Variants in BRINP3 observed in about 807,000 individuals in gnomAD.
The protein encoded by BRINP3 is BMP/retinoic acid-inducible neural-specific protein 3.
Under a neutral mutation model 71.0 loss-of-function variants are expected in BRINP3, and 19 were observed. The ratio of observed to expected loss-of-function variants is 0.27; its 90% confidence interval spans 0.19 to 0.39. The LOEUF is 0.39. Ranked by LOEUF, BRINP3 falls within the 10% of genes least tolerant of loss-of-function variation. BRINP3 has a pLI of 1.00. For synonymous variants in BRINP3, 380 were observed against 337.7 expected, an observed-to-expected ratio of 1.13 and a Z score of -1.37; for missense variants, 959 against 940.8, an observed-to-expected ratio of 1.02 and a Z score of -0.25.
chr1:190,246,245 C>T (rs1659598097), intron 4 of BRINP3, among the ~76,000 whole-genome samples: 1 of 152,002 alleles, frequency 6.6e-6, no homozygotes, highest in African/African-American at 2.4e-5. Context: ...ATCTTCATCT[C>T]CTTACATCAT....
chr1:190,353,333 C>T (rs181023142), intron 2 of BRINP3, among the ~76,000 whole-genome samples: 16 of 151,962 alleles, frequency 1.1e-4, no homozygotes, highest in Admixed American at 5.3e-4. Context: ...ACATTGTAAG[C>T]CAAGAATTCC....
chr1:190,402,466 T>C (rs558890655), intron 2 of BRINP3, among the ~76,000 whole-genome samples: 1 of 152,286 alleles, frequency 6.6e-6, no homozygotes, highest in South Asian at 2.1e-4. Flanking sequence ...CTTACAGAAA[T>C]CATTCTATCA....
At chr1:190,158,306 T>TCC (rs1478970882) in intron 7 of BRINP3, among the ~76,000 whole-genome samples, 1 of 152,074 alleles carries the variant, frequency 6.6e-6, no homozygotes, top group Non-Finnish European at 1.5e-5. Context: ...TTGTGAGGCC[T>TCC]CCACCAGCCA....
chr1:190,411,653 A>C (rs1371953331), intron 2 of BRINP3, among the ~76,000 whole-genome samples: 2 of 152,196 alleles, frequency 1.3e-5, no homozygotes, highest in African/African-American at 4.8e-5. Flanking sequence ...GGTCTATATA[A>C]CTAAGGTCTA....
At chr1:190,365,665 TAATTAATA>T (rs1168956751) in intron 2 of BRINP3, among the ~76,000 whole-genome samples, 20 of 121,820 alleles carry the variant, frequency 1.6e-4, no homozygotes, top group East Asian at 4.9e-4. Flanking sequence ...AAATATATTA[TAATTAATA>T]TAATACAATA....
intron 6 of BRINP3, among the ~76,000 whole-genome samples, chr1:190,198,741 T>C (rs933623124): frequency 2.0e-5 from 3 of 152,192 alleles, no homozygotes; most frequent in African/African-American, 7.2e-5. Context: ...TTATTGTTCA[T>C]ATCACTATCA....
At chr1:190,338,830 T>C (rs1445523737) in intron 2 of BRINP3, among the ~76,000 whole-genome samples, 2 of 151,992 alleles carry the variant, frequency 1.3e-5, no homozygotes, top group East Asian at 3.9e-4. Context: ...TAAGAAAAAC[T>C]ATCATATAGG....
intron 2 of BRINP3, among the ~76,000 whole-genome samples, chr1:190,321,101 G>A (rs181037197): frequency 1.1e-3 from 170 of 152,062 alleles, no homozygotes; most frequent in African/African-American, 3.2e-3. Flanking sequence ...TTTTTATGCT[G>A]TATAGGGGCA....
intron 6 of BRINP3, among the ~76,000 whole-genome samples, chr1:190,191,228 A>G (rs1020898800): frequency 2.0e-5 from 3 of 152,080 alleles, no homozygotes; most frequent in East Asian, 3.9e-4. Flanking sequence ...TAAAAACCCC[A>G]TTTCCAGGTT....
intron 4 of BRINP3, among the ~76,000 whole-genome samples, chr1:190,235,208 G>T (rs191448346): frequency 1.1e-3 from 166 of 152,004 alleles, no homozygotes; most frequent in African/African-American, 3.0e-3. Flanking sequence ...ATCCAATTTT[G>T]GTCTGCAGCA....
intron 7 of BRINP3, among the ~76,000 whole-genome samples, chr1:190,110,930 T>C (rs547202882): frequency 6.6e-6 from 1 of 152,212 alleles, no homozygotes; most frequent in Admixed American, 6.5e-5. Flanking sequence ...CAGAATACAC[T>C]ATTTTATTAA....
At chr1:190,219,485 A>G (rs1263336862) in intron 6 of BRINP3, among the ~76,000 whole-genome samples, 1 of 152,096 alleles carries the variant, frequency 6.6e-6, no homozygotes, top group Non-Finnish European at 1.5e-5. Flanking sequence ...TAGAGGTCTC[A>G]ACAGTAGAAT....
At chr1:190,374,457 G>A (rs1171379) in intron 2 of BRINP3, among the ~76,000 whole-genome samples, 3,222 of 152,002 alleles carry the variant, frequency 0.021, 45 homozygotes, top group Non-Finnish European at 0.033. Flanking sequence ...AATTTAATTC[G>A]TCAAAAGAGA....
chr1:190,384,524 T>G (rs1161189133), intron 2 of BRINP3, among the ~76,000 whole-genome samples: 1 of 151,776 alleles, frequency 6.6e-6, no homozygotes, highest in Non-Finnish European at 1.5e-5. Flanking sequence ...ATTCCCAAAA[T>G]TTTACGTTCA....
intron 6 of BRINP3, among the ~76,000 whole-genome samples, chr1:190,220,285 C>T (rs1278240682): frequency 2.0e-5 from 3 of 152,014 alleles, no homozygotes; most frequent in African/African-American, 4.8e-5. Flanking sequence ...AGCTAACTAT[C>T]GTAAGATCAG....
intron 2 of BRINP3, among the ~76,000 whole-genome samples, chr1:190,317,256 C>A (rs902622096): frequency 6.6e-6 from 1 of 151,462 alleles, no homozygotes; most frequent in African/African-American, 2.4e-5. Context: ...TGTAAGGGGT[C>A]TTCTTGAGAA....
chr1:190,222,453 A>G (rs1463979573), intron 6 of BRINP3, among the ~76,000 whole-genome samples: 2 of 152,010 alleles, frequency 1.3e-5, no homozygotes, highest in Non-Finnish European at 2.9e-5. Context: ...TTAAAAGAGT[A>G]TAAAGACTTC....
intron 4 of BRINP3, among the ~76,000 whole-genome samples, chr1:190,239,203 T>C (rs1429173649): frequency 6.6e-6 from 1 of 152,142 alleles, no homozygotes; most frequent in Non-Finnish European, 1.5e-5. Context: ...AGATGAGATT[T>C]GGGTGAAGAC....
rs1364133518 is a variant in BRINP3, at chr1:190,128,276, C to A, written c.1185-29142G>T. Reference sequence around the variant, plus strand: ...GTGCAAGATTTATCATATAGTAAGTCCCAGGACTACTTTCCCAGACTTTAA... The same window carrying A: ...GTGCAAGATTTATCATATAGTAAGTACCAGGACTACTTTCCCAGACTTTAA... On this transcript the variant is annotated intron_variant, in intron 7 of 7. Coordinates refer to ENST00000367462, the MANE Select transcript of BRINP3 (RefSeq NM_199051.3). 3.3e-5 allele frequency among the ~76,000 whole-genome samples: 5 copies of A among 151,702 alleles called. No individual in the cohort carries two copies. The East Asian group carries it at 9.7e-4, about 29-fold the overall frequency.
Sources: gnomAD v4.1 joint callset for allele counts (sites outside exome capture counted in the v4.1 genomes callset) on GRCh38, gnomAD v4.1.1 for gene constraint, MANE v1.5 for transcripts, NCBI Gene and HGNC (gene_info 2026-07-23, HGNC 2026-07-21) for gene names.